The following UBE3D variants were observed in gnomAD, a reference collection of about 807,000 sequenced individuals.
UBE3D encodes ubiquitin protein ligase E3D, also known as E3 ubiquitin-protein ligase E3D.
A neutral mutation model predicts 49.6 loss-of-function variants in UBE3D; 48 were observed. The observed-to-expected ratio is 0.97, with a 90% CI of 0.77 to 1.23. UBE3D has a LOEUF of 1.23. UBE3D is among the 50% of genes most tolerant of loss of function. The pLI, the probability that UBE3D is intolerant of heterozygous loss-of-function variation, is 0.00. For missense variants in UBE3D, 452 were observed against 468.4 expected, an observed-to-expected ratio of 0.96 and a Z score of 0.32; for synonymous variants, 189 against 174.2, an observed-to-expected ratio of 1.08 and a Z score of -0.67.
At chr6:82,998,175 T>G (rs905011180) in intron 8 of UBE3D, among the ~76,000 whole-genome samples, 2 of 152,222 alleles carry the variant, frequency 1.3e-5, no homozygotes, top group Non-Finnish European at 2.9e-5. Flanking sequence ...GACTTAACAG[T>G]GGGAACTCCA....
chr6:83,027,614 C>T (rs956287231), intron 5 of UBE3D, among the ~76,000 whole-genome samples: 10 of 152,106 alleles, frequency 6.6e-5, no homozygotes, highest in African/African-American at 1.9e-4. Flanking sequence ...ATTGTTCTAC[C>T]GTCTTCAGAC....
At chr6:83,053,784 T>C (rs1483513130) in intron 3 of UBE3D, among the ~76,000 whole-genome samples, 1 of 152,168 alleles carries the variant, frequency 6.6e-6, no homozygotes, top group East Asian at 1.9e-4. Context: ...GTGCAAAAGC[T>C]TGTTATGTGG....
intron 8 of UBE3D, chr6:83,017,073 T>C (rs890420122): frequency 2.0e-5 from 3 of 152,166 alleles, no homozygotes; most frequent in Non-Finnish European, 4.4e-5. Context: ...TCCTTCAATC[T>C]AATCAAGTTG....
chr6:82,919,223 T>G (rs1034096849), intron 9 of UBE3D, among the ~76,000 whole-genome samples: 1 of 151,864 alleles, frequency 6.6e-6, no homozygotes, highest in Non-Finnish European at 1.5e-5. Context: ...GTAGACTTCT[T>G]GGGATGTAAG....
chr6:82,882,528 C>T, the UBE3D span, among the ~76,000 whole-genome samples: 1,328 of 152,258 alleles, frequency 8.7e-3, 15 homozygotes, highest in African/African-American at 0.03. Flanking sequence ...TTTGTTTTGG[C>T]AAGTGTAACT....
intron 8 of UBE3D, among the ~76,000 whole-genome samples, chr6:83,004,166 T>G (rs1779816629): frequency 6.6e-6 from 1 of 152,218 alleles, no homozygotes; most frequent in African/African-American, 2.4e-5. Context: ...ATGTTACAGA[T>G]TAAGAGGCAT....
chr6:83,059,236 A>T (rs184678450), intron 1 of UBE3D, among the ~76,000 whole-genome samples: 1 of 152,242 alleles, frequency 6.6e-6, no homozygotes, highest in Admixed American at 6.5e-5. Flanking sequence ...TAAAAAATAA[A>T]AAATCAGCTG....
At chr6:82,988,478 T>G (rs1403779142) in intron 8 of UBE3D, among the ~76,000 whole-genome samples, 5 of 152,100 alleles carry the variant, frequency 3.3e-5, no homozygotes, top group Non-Finnish European at 1.5e-5. Flanking sequence ...AAAAAAATAT[T>G]CTTTAACTGA....
At chr6:82,939,567 T>TA (rs780067502) in intron 9 of UBE3D, among the ~76,000 whole-genome samples, 1 of 152,214 alleles carries the variant, frequency 6.6e-6, no homozygotes, top group Non-Finnish European at 1.5e-5. Context: ...CACAAATACT[T>TA]ACCATTGTAT....
At chr6:82,982,379 TTTTC>T (rs142051489) in intron 8 of UBE3D, among the ~76,000 whole-genome samples, 2 of 152,330 alleles carry the variant, frequency 1.3e-5, no homozygotes, top group African/African-American at 4.8e-5. Context: ...ACTTTCTAAA[TTTTC>T]TTTGAGATCC....
At chr6:82,912,390 C>A (rs1415690327) in intron 9 of UBE3D, among the ~76,000 whole-genome samples, 1 of 151,974 alleles carries the variant, frequency 6.6e-6, no homozygotes, top group Non-Finnish European at 1.5e-5. Context: ...AAACTGTGTC[C>A]TAGTTCTCCT....
At chr6:83,047,463 C>T (rs1314469896) in intron 3 of UBE3D, among the ~76,000 whole-genome samples, 2 of 152,206 alleles carry the variant, frequency 1.3e-5, no homozygotes, top group African/African-American at 2.4e-5. Context: ...GGGCAGCTCC[C>T]GTACCTCCCT....
chr6:83,030,697 G>A (rs1293765559), intron 5 of UBE3D, among the ~76,000 whole-genome samples: 1 of 152,138 alleles, frequency 6.6e-6, no homozygotes, highest in East Asian at 1.9e-4. Context: ...ACAGTTTGGA[G>A]GGCTCAGGAA....
intron 9 of UBE3D, among the ~76,000 whole-genome samples, chr6:82,913,534 A>G (rs1772684419): frequency 6.6e-6 from 1 of 152,182 alleles, no homozygotes; most frequent in Non-Finnish European, 1.5e-5. Context: ...GCCCCTTTAC[A>G]TTAGCATCCC....
intron 5 of UBE3D, among the ~76,000 whole-genome samples, chr6:83,027,342 A>G (rs1315272987): frequency 6.7e-6 from 1 of 148,870 alleles, no homozygotes; most frequent in Non-Finnish European, 1.5e-5. Flanking sequence ...AGGCTGAGGC[A>G]GGAGAATCGC....
chr6:82,950,984 G>A (rs188602705), intron 9 of UBE3D, among the ~76,000 whole-genome samples: 31 of 151,650 alleles, frequency 2.0e-4, no homozygotes, highest in Non-Finnish European at 3.7e-4. Context: ...TGAGGGAAGT[G>A]GGGATGACTA....
intron 3 of UBE3D, among the ~76,000 whole-genome samples, chr6:83,045,037 A>G (rs1206859561): frequency 2.0e-5 from 3 of 152,188 alleles, no homozygotes; most frequent in African/African-American, 7.2e-5. Context: ...ATTCTATTCC[A>G]TAAGTACATC....
intron 8 of UBE3D, among the ~76,000 whole-genome samples, chr6:82,968,713 T>C (rs527256250): frequency 1.3e-5 from 2 of 152,232 alleles, no homozygotes; most frequent in East Asian, 1.9e-4. Context: ...GAACTAACAG[T>C]TGGGGTTTTT....
chr6:82,908,761 C>A (rs966263351), intron 9 of UBE3D, among the ~76,000 whole-genome samples: 2 of 152,158 alleles, frequency 1.3e-5, no homozygotes, highest in African/African-American at 4.8e-5. Flanking sequence ...CTTTCAAATA[C>A]ACTCTTCCTT....
Sources: allele counts gnomAD v4.1 joint callset (sites outside exome capture counted in the v4.1 genomes callset), GRCh38; gene constraint gnomAD v4.1.1; transcripts MANE v1.5; gene names NCBI Gene and HGNC (gene_info 2026-07-23, HGNC 2026-07-21).